The following SCRIB variants were observed in gnomAD, a reference collection of about 807,000 sequenced individuals.
The protein encoded by SCRIB is scribble planar cell polarity protein.
Under a neutral mutation model 170.0 loss-of-function variants are expected in SCRIB, and 72 were observed. That is an observed-to-expected ratio of 0.42 (90% CI 0.35 to 0.52). The LOEUF (loss-of-function observed/expected upper bound fraction) is 0.52, where lower values mean the gene tolerates loss of function less well. Ranked by LOEUF, SCRIB falls within the 20% of genes least tolerant of loss-of-function variation. The pLI is 0.02. For missense variants in SCRIB, 2,475 were observed against 2,338.5 expected (o/e 1.06, Z -1.20); for synonymous variants, 1,298 against 1,044.3 (o/e 1.24, Z -4.68).
chr8:143,798,599 T>G (rs1335760583), intron 24 of SCRIB, among the ~76,000 whole-genome samples: 1 of 152,216 alleles, frequency 6.6e-6, no homozygotes, highest in Non-Finnish European at 1.5e-5. Context: ...CCACACTCAG[T>G]TAATTTTGAA....
In SCRIB at chr8:143,813,163, C is replaced by T. The variant is rs1028655805; in HGVS notation, c.568-59G>A. Reference sequence around the variant, plus strand: ...AGGCAAAGCCTCCTGCTGCGCCGTGCTCAAGAGACTATACGCCCCCACACC... The same window carrying T: ...AGGCAAAGCCTCCTGCTGCGCCGTGTTCAAGAGACTATACGCCCCCACACC... On this transcript the variant is annotated intron_variant, in intron 6 of 36. Transcript: ENST00000356994. 3.8e-6 allele frequency: 6 copies of T among 1,585,522 alleles called. No homozygotes were observed. In the East Asian group the frequency reaches 1.3e-4, roughly 36 times the overall value.
In SCRIB at chr8:143,803,773, C is replaced by T. The variant is rs532414551; in HGVS notation, c.3288G>A (p.Pro1096=). ...SLLVRRDPAP[P]GLRELCIQKA... ...TCTGGATGCACAGTTCCCGTAGGCC[C>T]GGGGGTGCCGGGTCCCTCCGCACCA... Residue 1096 remains proline, a synonymous_variant, in exon 23 of 37, where the codon CCG becomes CCA. Coordinates refer to ENST00000356994, the MANE Select transcript of SCRIB (RefSeq NM_182706.5). 49 of 1,601,968 alleles carry T rather than the reference C, an allele frequency of 3.1e-5. No individual in the cohort carries two copies. Among genetic ancestry groups the T allele is most frequent in the South Asian group, 2.0e-4 (18 of 90,648 alleles).
intron 23 of SCRIB, 28 bp from the exon 24 acceptor site, chr8:143,803,599 C>A: frequency 3.7e-6 from 5 of 1,354,886 alleles, no homozygotes; most frequent in Non-Finnish European, 5.0e-6. Context: ...ATGGGAGAGA[C>A]CTGTTGGGGG....
intron 24 of SCRIB, among the ~76,000 whole-genome samples, chr8:143,797,246 ATAAATTACGATGG>A (rs1340153471): frequency 6.6e-6 from 1 of 152,264 alleles, no homozygotes; most frequent in Non-Finnish European, 1.5e-5. Flanking sequence ...GAGCCTCAAA[ATAAATTACGATGG>A]TAAAAGGCTG....
At chr8:143,812,771 G>A in intron 8 of SCRIB, 46 bp downstream of exon 8, 2 of 1,584,590 alleles carry the variant, frequency 1.3e-6, no homozygotes, top group Admixed American at 1.7e-5. Context: ...CTCCTCCCAG[G>A]GCCAGGCTCC....
chr8:143,808,244 C>T (rs924482901), intron 15 of SCRIB, among the ~76,000 whole-genome samples: 4 of 152,148 alleles, frequency 2.6e-5, no homozygotes, highest in African/African-American at 7.2e-5. Context: ...ACTCCGTGCC[C>T]GCCAGCAGGT....
chr8:143,792,772 C>T lies in SCRIB; in HGVS notation c.4113G>A (p.Glu1371=), dbSNP rs1302852239. Residue 1371 remains glutamate (E), a synonymous_variant, in exon 30 of 37, where the codon GAG becomes GAA. Coordinates refer to ENST00000356994, the MANE Select transcript of SCRIB (RefSeq NM_182706.5). ...FELEVRVPQA[E]GPPKRVSLVG... The stretch of plus-strand genomic sequence containing the variant: ...CCAGGGACACGCGCTTAGGGGGGCC[C>T]TCGGCCTGGGGCACGCGCACCTCCA... 2 of 1,586,490 alleles carry T rather than the reference C, an allele frequency of 1.3e-6. No individual in the cohort carries two copies. Among genetic ancestry groups the T allele is most frequent in the South Asian group, 2.3e-5 (2 of 87,874 alleles).
chr8:143,798,011 T>A (rs1815014831), intron 24 of SCRIB, among the ~76,000 whole-genome samples: 1 of 152,328 alleles, frequency 6.6e-6, no homozygotes, highest in South Asian at 2.1e-4. Context: ...CTAATAAAGA[T>A]GGTAGTCTGG....
chr8:143,791,767 G>A (rs1554632717), intron 34 of SCRIB, 27 bp from the exon 35 acceptor site: 10 of 1,438,162 alleles, frequency 7.0e-6, no homozygotes, highest in East Asian at 2.6e-5. Flanking sequence ...GAGGGGAGAG[G>A]CAGAGAGTGA....
rs1172295845 is a variant in SCRIB, at chr8:143,795,042, T to TGCACGCTGCCAGCGCTGG, written c.3824_3841dup (p.Pro1275_Val1280dup). 2 of 1,610,406 alleles carry TGCACGCTGCCAGCGCTGG rather than the reference T, an allele frequency of 1.2e-6. No homozygotes were observed. Among genetic ancestry groups the TGCACGCTGCCAGCGCTGG allele is most frequent in the Non-Finnish European group, 1.7e-6 (2 of 1,179,076 alleles). On this transcript the variant is annotated inframe_insertion, in exon 27 of 37. Coordinates refer to ENST00000356994, the MANE Select transcript of SCRIB (RefSeq NM_182706.5). ...CACTGCACACTGGGCACTCACCCTCTGCACGCTGCCAGCGCTGGGCACGGC... is the reference window on the plus strand; with the variant it reads ...CACTGCACACTGGGCACTCACCCTCTGCACGCTGCCAGCGCTGGGCACGCTGCCAGCGCTGGGCACGGC...
At position 143,812,314 on chromosome 8, in the gene SCRIB, C is replaced by T; in HGVS notation, c.858G>A (p.Gly286=). The change falls in exon 9 of 37, where the codon GGG becomes GGA. Residue 286 remains glycine (G), a synonymous_variant. Coordinates refer to ENST00000356994, the MANE Select transcript of SCRIB (RefSeq NM_182706.5). ...NRLCEVTEAI[G]DCENLSELIL... ...TCAGCTCAGAGAGGTTCTCACAGTC[C>T]CCGATGGCCTCGGTCACCTCGCACA... 6.2e-7 allele frequency: 1 copy of T among 1,613,752 alleles called. No homozygotes were observed. Among genetic ancestry groups the T allele is most frequent in the South Asian group, 1.1e-5 (1 of 91,080 alleles).
intron 8 of SCRIB, 40 bp downstream of exon 8, chr8:143,812,777 G>A (rs767808464): frequency 3.8e-6 from 6 of 1,587,084 alleles, no homozygotes; most frequent in Non-Finnish European, 8.5e-7. Context: ...CCAGGGCCAG[G>A]CTCCGTGTGC....
chr8:143,799,508 G>A (rs916937864), intron 24 of SCRIB, among the ~76,000 whole-genome samples: 3 of 152,196 alleles, frequency 2.0e-5, no homozygotes, highest in Admixed American at 6.5e-5. Flanking sequence ...GAGGACTTGC[G>A]TCCTCATGCC....
Position 143,815,604 on chromosome 8 carries a change from A to G in SCRIB, c.-232T>C. 1.0e-6 allele frequency: 1 copy of G among 981,156 alleles called. No individual in the cohort carries two copies. Among genetic ancestry groups the G allele is most frequent in the Non-Finnish European group, 1.2e-6 (1 of 828,294 alleles). 60.8% of individuals were successfully genotyped at this position (981,156 alleles called of 1,614,324 possible). A position where few individuals can be genotyped will look rare whatever the true frequency, so the allele number is the denominator to read the frequency against. ...GCGGCCCGGCGGGTCTCAGACTCTT[A>G]GGAAGCGCGGGGAGCGGCGGCGGCG... On this transcript the variant is annotated 5_prime_UTR_variant, in exon 1 of 37. Coordinates refer to ENST00000356994, the MANE Select transcript of SCRIB (RefSeq NM_182706.5).
chr8:143,805,589 C>G (rs1416172603), intron 18 of SCRIB, among the ~76,000 whole-genome samples, 154 bp from the exon 19 acceptor site: 1 of 152,178 alleles, frequency 6.6e-6, no homozygotes, highest in African/African-American at 2.4e-5. Context: ...GACCTTTAGC[C>G]ACAAGGTTCC....
At chr8:143,806,647 G>A (rs72693359) in intron 17 of SCRIB, among the ~76,000 whole-genome samples, 163 bp from the exon 18 acceptor site, 9,863 of 152,346 alleles carry the variant, frequency 0.065, 411 homozygotes, top group Non-Finnish European at 0.09. Context: ...GTGCCAGGGG[G>A]TTAGAAGGAG....
chr8:143,814,247 G>A (rs544816073), intron 1 of SCRIB, 129 bp from the exon 2 acceptor site: 3 of 745,300 alleles, frequency 4.0e-6, no homozygotes, highest in East Asian at 2.7e-5. Context: ...ACCGGGTCCT[G>A]GGGTCTAACC....
chr8:143,808,976 T>G lies in SCRIB; in HGVS notation c.1748A>C (p.Glu583Ala). ...GGCCTCAGGCTGCCCCTCCTCGATC[T>G]CCCTGTCATCCCCGGGCAGCAGTGC... is the stretch of plus-strand genomic sequence containing the variant. Reference protein sequence around the residue: ...EDALLPGDDREIEEGQPEAPW... With the variant: ...EDALLPGDDRAIEEGQPEAPW... Residue 583 changes from glutamate (E) to alanine (A), a missense_variant, in exon 15 of 37, where the codon GAG becomes GCG. Transcript: ENST00000356994. 2 of 1,613,270 alleles carry G rather than the reference T, an allele frequency of 1.2e-6. No individual in the cohort carries two copies. Among genetic ancestry groups the G allele is most frequent in the Non-Finnish European group, 1.7e-6 (2 of 1,179,948 alleles).
intron 24 of SCRIB, among the ~76,000 whole-genome samples, chr8:143,796,027 A>G (rs1390902700): frequency 2.6e-5 from 4 of 152,136 alleles, no homozygotes; most frequent in African/African-American, 4.8e-5. Context: ...CACTCCCCAG[A>G]GCTCAATCAC....
Sources: gnomAD v4.1 joint callset for allele counts (sites outside exome capture counted in the v4.1 genomes callset) on GRCh38, gnomAD v4.1.1 for gene constraint, MANE v1.5 for transcripts, NCBI Gene and HGNC (gene_info 2026-07-23, HGNC 2026-07-21) for gene names.